PPP2R2C: variants seen among roughly 807,000 people sequenced by gnomAD.
PPP2R2C encodes protein phosphatase 2 regulatory subunit Bgamma.
A neutral mutation model predicts 45.3 loss-of-function variants in PPP2R2C; 10 were observed. The observed-to-expected ratio is 0.22, with a 90% CI of 0.14 to 0.37. The LOEUF is 0.37. Among genes scored for constraint, PPP2R2C ranks in the 10% least tolerant of loss-of-function variants. PPP2R2C has a pLI of 1.00. For synonymous variants in PPP2R2C, 257 were observed against 245.4 expected, an observed-to-expected ratio of 1.05 and a Z score of -0.44; for missense variants, 308 against 619.7, an observed-to-expected ratio of 0.50 and a Z score of 5.34.
chr4:6,554,779 G>A (rs1725307826), intron 1 of PPP2R2C, among the ~76,000 whole-genome samples: 1 of 150,926 alleles, frequency 6.6e-6, no homozygotes, highest in Non-Finnish European at 1.5e-5. Context: ...AGAATCGCTT[G>A]AACCCAGGAA....
chr4:6,445,754 ATAACTTC>A (rs1720385602), intron 1 of PPP2R2C, among the ~76,000 whole-genome samples: 1 of 152,230 alleles, frequency 6.6e-6, no homozygotes, highest in African/African-American at 2.4e-5. Flanking sequence ...TTTCAAATGT[ATAACTTC>A]ACTAATGCAA....
At chr4:6,367,690 C>T (rs1426732277) in intron 5 of PPP2R2C, among the ~76,000 whole-genome samples, 2 of 152,232 alleles carry the variant, frequency 1.3e-5, no homozygotes, top group Non-Finnish European at 2.9e-5. Flanking sequence ...AGTCCTCACA[C>T]TTTCTCTGCC....
At chr4:6,487,734 G>A (rs1210516181) in intron 2 of PPP2R2C, among the ~76,000 whole-genome samples, 1 of 151,830 alleles carries the variant, frequency 6.6e-6, no homozygotes, top group African/African-American at 2.4e-5. Context: ...TGAAATTCTT[G>A]TATCTGTGGG....
intron 2 of PPP2R2C, among the ~76,000 whole-genome samples, chr4:6,507,526 G>A (rs1055455034): frequency 6.6e-6 from 1 of 152,242 alleles, no homozygotes; most frequent in Non-Finnish European, 1.5e-5. Context: ...TGGAGTGAGA[G>A]GCCGAGCCAG....
At chr4:6,457,272 A>G (rs1408115203) in intron 1 of PPP2R2C, among the ~76,000 whole-genome samples, 2 of 152,044 alleles carry the variant, frequency 1.3e-5, no homozygotes, top group Non-Finnish European at 2.9e-5. Context: ...CTAATAATCA[A>G]TGAGGAAATT....
intron 6 of PPP2R2C, among the ~76,000 whole-genome samples, chr4:6,344,264 A>G (rs1711606849): frequency 6.6e-6 from 1 of 152,226 alleles, no homozygotes; most frequent in Non-Finnish European, 1.5e-5. Context: ...CAGCCCTGGG[A>G]GCTGGGGGTG....
chr4:6,333,985 G>C (rs1055124814), intron 6 of PPP2R2C, among the ~76,000 whole-genome samples: 1 of 152,216 alleles, frequency 6.6e-6, no homozygotes, highest in Non-Finnish European at 1.5e-5. Context: ...TGCCTGGGGA[G>C]TCAGTGCTGG....
intron 1 of PPP2R2C, chr4:6,381,927 G>A: frequency 6.4e-7 from 1 of 1,561,682 alleles, no homozygotes; most frequent in Admixed American, 1.8e-5. Flanking sequence ...ACGAGTCACA[G>A]AGATGAGTGG....
intron 1 of PPP2R2C, among the ~76,000 whole-genome samples, chr4:6,555,292 C>T (rs780479406): frequency 2.4e-4 from 36 of 152,214 alleles, no homozygotes; most frequent in Non-Finnish European, 1.9e-4. Flanking sequence ...CACACAGCCC[C>T]AACACACTAA....
At chr4:6,361,305 G>A (rs1339056687) in intron 5 of PPP2R2C, among the ~76,000 whole-genome samples, 1 of 152,186 alleles carries the variant, frequency 6.6e-6, no homozygotes, top group Non-Finnish European at 1.5e-5. Context: ...TCACAGCTCT[G>A]CCATAGCCCA....
intron 6 of PPP2R2C, among the ~76,000 whole-genome samples, chr4:6,335,756 G>A (rs1481199936): frequency 1.3e-5 from 2 of 151,932 alleles, no homozygotes; most frequent in Non-Finnish European, 2.9e-5. Flanking sequence ...GAGAGGAGGG[G>A]GAGGGAAGCT....
chr4:6,420,605 A>G (rs1718895843), intron 1 of PPP2R2C, among the ~76,000 whole-genome samples: 1 of 152,126 alleles, frequency 6.6e-6, no homozygotes, highest in Non-Finnish European at 1.5e-5. Context: ...TAGGTCTGGA[A>G]AGGGAACCAC....
At chr4:6,441,987 G>GACC (rs1720180856) in intron 1 of PPP2R2C, among the ~76,000 whole-genome samples, 1 of 152,222 alleles carries the variant, frequency 6.6e-6, no homozygotes, top group African/African-American at 2.4e-5. Flanking sequence ...GAAGGCTCCT[G>GACC]ACCACCTGGG....
chr4:6,472,351 C>A lies in PPP2R2C; in HGVS notation c.-122G>T. 4.0e-6 allele frequency: 5 copies of A among 1,238,044 alleles called. No homozygotes were observed. Among genetic ancestry groups the A allele is most frequent in the Non-Finnish European group, 5.1e-6 (5 of 987,674 alleles). The allele number at this position is 1,238,044 out of a possible 1,614,324, so 76.7% of individuals were successfully genotyped here. A position where few individuals can be genotyped will look rare whatever the true frequency, so the allele number is the denominator to read the frequency against. On this transcript the variant is annotated 5_prime_UTR_variant, in exon 1 of 9. Coordinates refer to ENST00000382599, the MANE Select transcript of PPP2R2C (RefSeq NM_020416.4). ...CTAGCAGGGGCGCGGGCCGCCGGGG[C>A]CCCGAAGGGAGGGCATCGCGGCAGG...
intron 1 of PPP2R2C, chr4:6,381,459 C>A: frequency 7.3e-7 from 1 of 1,372,372 alleles, no homozygotes; most frequent in Non-Finnish European, 9.5e-7. Context: ...ACACCTACCC[C>A]TGCCACCCAG....
intron 1 of PPP2R2C, among the ~76,000 whole-genome samples, chr4:6,385,377 C>A (rs1261917202): frequency 6.6e-6 from 1 of 152,056 alleles, no homozygotes; most frequent in African/African-American, 2.4e-5. Context: ...TCTTGAGTGC[C>A]AGAAATTCTC....
chr4:6,532,247 A>G (rs1024168287), intron 2 of PPP2R2C, among the ~76,000 whole-genome samples: 1 of 152,198 alleles, frequency 6.6e-6, no homozygotes, highest in African/African-American at 2.4e-5. Context: ...CATCATCCCC[A>G]GTCCATAGAA....
chr4:6,436,773 A>G (rs1256246128), intron 1 of PPP2R2C, among the ~76,000 whole-genome samples: 1 of 152,240 alleles, frequency 6.6e-6, no homozygotes, highest in East Asian at 1.9e-4. Flanking sequence ...GCCACAGGCA[A>G]TACCTAAACA....
chr4:6,476,472 C>CCT (rs1001556073), upstream of PPP2R2C, among the ~76,000 whole-genome samples: 2 of 152,162 alleles, frequency 1.3e-5, no homozygotes, highest in African/African-American at 4.8e-5. Flanking sequence ...TGTCCCTCTC[C>CCT]CTCTCTCTCT....
Sources: gnomAD v4.1 joint callset for allele counts (sites outside exome capture counted in the v4.1 genomes callset) on GRCh38, gnomAD v4.1.1 for gene constraint, MANE v1.5 for transcripts, NCBI Gene and HGNC (gene_info 2026-07-23, HGNC 2026-07-21) for gene names.